NAV1: variants seen among roughly 807,000 people sequenced by gnomAD.
NAV1 encodes neuron navigator 1.
Under a neutral mutation model 175.2 loss-of-function variants are expected in NAV1, and 18 were observed. That is an observed-to-expected ratio of 0.10 (90% CI 0.07 to 0.15). The LOEUF (loss-of-function observed/expected upper bound fraction) is 0.15. Ranked by LOEUF, NAV1 falls within the 10% of genes least tolerant of loss-of-function variation. The pLI is 1.00. For missense variants in NAV1, 1,731 were observed against 2,436.6 expected (o/e 0.71, Z 6.10); for synonymous variants, 897 against 978.7 (o/e 0.92, Z 1.56).
At chr1:201,824,903 A>G (rs940602293) in exon 30 of NAV1, 3 of 152,186 alleles carry the variant, frequency 2.0e-5, no homozygotes, top group Non-Finnish European at 2.9e-5. Context: ...CCACGTTTTA[A>G]TAAGCCCTCC....
At chr1:201,629,337 C>A (rs1452006726) in intron 1 of NAV1, 67 bp from the exon 4 acceptor site, 3 of 1,126,630 alleles carry the variant, frequency 2.7e-6, no homozygotes, top group African/African-American at 1.6e-5. Context: ...GTTTTCTTAG[C>A]CCCATGGAGG....
chr1:201,809,185 T>C (rs1229977173), exon 21 of NAV1: 1 of 1,613,908 alleles, frequency 6.2e-7, no homozygotes, highest in Admixed American at 1.7e-5. Context: ...ATGGATGGCA[T>C]CAGTACTTGT....
At chr1:201,762,150 C>A (rs887670687) in intron 3 of NAV1, among the ~76,000 whole-genome samples, 4 of 152,120 alleles carry the variant, frequency 2.6e-5, no homozygotes, top group African/African-American at 9.7e-5. Context: ...CAGAGTGAGA[C>A]CCTGTCTCAA....
intron 2 of NAV1, among the ~76,000 whole-genome samples, chr1:201,602,637 G>GTTT (rs386369319): frequency 5.2e-5 from 6 of 114,444 alleles, no homozygotes; most frequent in Admixed American, 1.7e-4. Context: ...CTTAAGCTAT[G>GTTT]TTTTTTTTTT....
rs1167753937 is a variant in NAV1 at position 201,712,800 on chromosome 1, C to T, written c.758-17C>T. 1.4e-5 allele frequency: 22 copies of T among 1,578,100 alleles called. No homozygotes were observed. The highest frequency in any genetic ancestry group is 1.9e-5 in the Non-Finnish European group (22 of 1,147,432). On this transcript the variant is annotated splice_polypyrimidine_tract_variant and intron_variant, in intron 1 of 29. Coordinates refer to ENST00000367296, the Ensembl canonical transcript of NAV1. ...AGTTCTCTTCACTCACCCAGCTCTT[C>T]CTTCTCTCCCTACCAGACCCAGAGT...
chr1:201,625,107 A>C (rs1409673051), intron 1 of NAV1, among the ~76,000 whole-genome samples: 1 of 152,232 alleles, frequency 6.6e-6, no homozygotes, highest in African/African-American at 2.4e-5. Flanking sequence ...ACCACGTTTT[A>C]AAAGGACATC....
At chr1:201,676,980 G>A (rs921073125) in intron 1 of NAV1, among the ~76,000 whole-genome samples, 10 of 152,088 alleles carry the variant, frequency 6.6e-5, no homozygotes, top group Admixed American at 1.3e-4. Context: ...GGTTGGGCGC[G>A]GTGGCTCATG....
chr1:201,562,721 C>G (rs916138231), intron 1 of NAV1, among the ~76,000 whole-genome samples: 24 of 152,172 alleles, frequency 1.6e-4, no homozygotes, highest in Admixed American at 9.8e-4. Context: ...TGTGGCATCT[C>G]TTTCTGTTTT....
intron 1 of NAV1, among the ~76,000 whole-genome samples, chr1:201,548,998 G>T (rs1321331728): frequency 6.6e-6 from 1 of 152,166 alleles, no homozygotes; most frequent in East Asian, 1.9e-4. Flanking sequence ...GTTATTATAA[G>T]GTCTTCTGTA....
At position 201,807,865 on chromosome 1, in the gene NAV1, C is replaced by T; in HGVS notation, c.3649-88C>T. 1 of 1,300,864 alleles carries T rather than the reference C, an allele frequency of 7.7e-7. No individual in the cohort carries two copies. Among genetic ancestry groups the T allele is most frequent in the Non-Finnish European group, 1.1e-6 (1 of 914,166 alleles). The allele number at this position is 1,300,864 out of a possible 1,614,324, so 80.6% of individuals were successfully genotyped here. The stretch of plus-strand genomic sequence containing the variant: ...TAAAGTAAATCCCCCGCCTCCAGCT[C>T]TCTCTGTCTCAGAAGTCTCAATCCA... On this transcript the variant is annotated intron_variant, in intron 17 of 29. Coordinates refer to ENST00000367296, the Ensembl canonical transcript of NAV1. This position sits in a 1 kb window ranked among gnomAD's most constrained non-coding sequence, Gnocchi z 5.4.
intron 3 of NAV1, among the ~76,000 whole-genome samples, chr1:201,748,982 T>C (rs1397276332): frequency 6.6e-6 from 1 of 152,102 alleles, no homozygotes; most frequent in Non-Finnish European, 1.5e-5. Context: ...ACCCAATCTC[T>C]ACTAAAAATA....
intron 2 of NAV1, among the ~76,000 whole-genome samples, chr1:201,608,919 C>T (rs927321587): frequency 1.3e-5 from 2 of 152,174 alleles, no homozygotes; most frequent in African/African-American, 4.8e-5. Context: ...CTGAGGGAGG[C>T]TGCTGGAGCC....
intron 2 of NAV1, among the ~76,000 whole-genome samples, chr1:201,642,196 T>TTC (rs1668785053): frequency 3.9e-5 from 5 of 128,718 alleles, no homozygotes; most frequent in South Asian, 2.6e-4. Context: ...TTCCCTCCTT[T>TTC]CTTCCTTTCT....
In NAV1 at chr1:201,786,425, A is replaced by G. The variant is rs1307642798; in HGVS notation, c.2847-4A>G. On this transcript the variant is annotated splice_polypyrimidine_tract_variant and splice_region_variant and intron_variant, in intron 8 of 29. Transcript: ENST00000367296. ...AGACTGAGTTCTTCTGCTGCTTCCT[A>G]CAGGTACCAGCTTCAGTCCCAGGAG... 12 of 1,610,640 alleles carry G rather than the reference A, an allele frequency of 7.5e-6. No individual in the cohort carries two copies. In the Admixed American group the frequency reaches 1.8e-4, roughly 25 times the overall value.
intron 1 of NAV1, among the ~76,000 whole-genome samples, chr1:201,552,382 G>C (rs1226092005): frequency 6.6e-6 from 1 of 152,154 alleles, no homozygotes; most frequent in African/African-American, 2.4e-5. Flanking sequence ...TTTAAGCTGA[G>C]GTGGGTAAAG....
chr1:201,620,692 C>T (rs984117231), upstream of NAV1, among the ~76,000 whole-genome samples: 1 of 152,058 alleles, frequency 6.6e-6, no homozygotes, highest in Non-Finnish European at 1.5e-5. Flanking sequence ...TGGTCTCAAA[C>T]TCCTGACCTC....
intron 3 of NAV1, chr1:201,737,286 G>A (rs1476275429): frequency 1.3e-5 from 2 of 152,152 alleles, no homozygotes; most frequent in African/African-American, 4.8e-5. Context: ...TAACCTCCAC[G>A]AAGCAGTAAG....
chr1:201,732,066 C>T (rs1421424298), intron 3 of NAV1, among the ~76,000 whole-genome samples: 1 of 152,072 alleles, frequency 6.6e-6, no homozygotes, highest in East Asian at 1.9e-4. Flanking sequence ...TGATCAGATA[C>T]CCCTGAAGTT....
intron 2 of NAV1, among the ~76,000 whole-genome samples, chr1:201,635,439 C>T (rs1440783141): frequency 6.6e-6 from 1 of 152,158 alleles, no homozygotes; most frequent in Non-Finnish European, 1.5e-5. Flanking sequence ...AAGACTTCTA[C>T]ACTTGTGGGC....
Sources: allele counts gnomAD v4.1 joint callset (sites outside exome capture counted in the v4.1 genomes callset), GRCh38; gene constraint gnomAD v4.1.1; non-coding constraint Gnocchi (gnomAD v3.1); transcripts MANE v1.5; gene names NCBI Gene and HGNC (gene_info 2026-07-23, HGNC 2026-07-21).